Variants in TLN2 observed in about 807,000 individuals in gnomAD.
TLN2 encodes talin-2.
In TLN2, 118 loss-of-function variants were observed where a neutral mutation model predicts 294.7. The observed-to-expected ratio is 0.40, with a 90% CI of 0.34 to 0.47. The LOEUF (loss-of-function observed/expected upper bound fraction) is 0.47, where lower values mean the gene tolerates loss of function less well. TLN2 is among the 20% of genes least tolerant of loss of function. TLN2 has a pLI of 0.84. For synonymous variants in TLN2, 1,431 were observed against 1,304.5 expected (o/e 1.10, Z -2.09); for missense variants, 3,083 against 3,282.2 (o/e 0.94, Z 1.48).
intron 1 of TLN2, among the ~76,000 whole-genome samples, chr15:62,444,971 C>G (rs2035743736): frequency 1.3e-5 from 2 of 152,100 alleles, no homozygotes; most frequent in Admixed American, 1.3e-4. Context: ...TACAAAGAAC[C>G]ACTATGCTTT....
In TLN2 at chr15:62,647,299, T is replaced by C; in HGVS notation, c.-12T>C. 6.2e-7 allele frequency: 1 copy of C among 1,613,864 alleles called. No individual in the cohort carries two copies. Among genetic ancestry groups the C allele is most frequent in the Non-Finnish European group, 8.5e-7 (1 of 1,179,846 alleles). Reference sequence around the variant, plus strand: ...GACATTCTAAGTGAGACTGTCCACATCATCTAGGAAAATGGTGGCCCTGTC... The same window carrying C: ...GACATTCTAAGTGAGACTGTCCACACCATCTAGGAAAATGGTGGCCCTGTC... On this transcript the variant is annotated 5_prime_UTR_variant, in exon 4 of 59. Coordinates refer to ENST00000636159, the MANE Select transcript of TLN2 (RefSeq NM_015059.3).
At chr15:62,430,081 A>G (rs545784074) in intron 1 of TLN2, among the ~76,000 whole-genome samples, 2 of 152,344 alleles carry the variant, frequency 1.3e-5, no homozygotes, top group South Asian at 2.1e-4. Flanking sequence ...CCTGGAATGT[A>G]TATATAAGTG....
intron 4 of TLN2, among the ~76,000 whole-genome samples, chr15:62,648,538 G>C (rs2052187934): frequency 7.1e-6 from 1 of 140,678 alleles, no homozygotes; most frequent in African/African-American, 2.7e-5. Flanking sequence ...TGATGATGAT[G>C]ATGACGATTT....
chr15:62,839,959 T>C (rs937420), intron 58 of TLN2, among the ~76,000 whole-genome samples: 18,084 of 152,136 alleles, frequency 0.12, 1,167 homozygotes, highest in South Asian at 0.19. Flanking sequence ...TTCCACACAA[T>C]ACCTATCAGC....
intron 42 of TLN2, among the ~76,000 whole-genome samples, chr15:62,774,135 T>C (rs1373892756): frequency 2.6e-5 from 4 of 152,198 alleles, no homozygotes; most frequent in African/African-American, 9.7e-5. Flanking sequence ...TTCCTTGTTT[T>C]TCTCCCTCTA....
chr15:62,713,678 C>CA (rs1166072880), intron 22 of TLN2, among the ~76,000 whole-genome samples: 45 of 148,124 alleles, frequency 3.0e-4, no homozygotes, highest in African/African-American at 6.9e-4. Flanking sequence ...GACTCTGTCT[C>CA]AAAAAAAAAA....
chr15:62,576,524 G>A (rs80307838), intron 1 of TLN2, among the ~76,000 whole-genome samples: 6,262 of 151,262 alleles, frequency 0.041, 169 homozygotes, highest in African/African-American at 0.07. Context: ...GGGAGGGAGC[G>A]CGAGAATTGC....
chr15:62,502,014 C>G (rs971374160), intron 1 of TLN2, among the ~76,000 whole-genome samples: 11 of 152,206 alleles, frequency 7.2e-5, no homozygotes, highest in African/African-American at 2.6e-4. Flanking sequence ...GCTTTGTGAC[C>G]TTCCTCGCTC....
In TLN2 at chr15:62,656,105, A is replaced by T. The variant is rs767415123; in HGVS notation, c.660+19A>T. The T allele has an allele frequency of 1.1e-5, 17 of 1,610,992 alleles. No homozygotes were observed. In the Admixed American group the frequency reaches 2.7e-4, roughly 25 times the overall value. On this transcript the variant is annotated intron_variant, in intron 8 of 58. Coordinates refer to ENST00000636159, the MANE Select transcript of TLN2 (RefSeq NM_015059.3). ...TGTTCAGGTACAGTATTTACTGCTC[A>T]GACACTGAGGTTGGTGAGATTGCAG...
At chr15:62,748,704 G>C (rs1317248017) in intron 33 of TLN2, among the ~76,000 whole-genome samples, 1 of 152,202 alleles carries the variant, frequency 6.6e-6, no homozygotes, top group Admixed American at 6.5e-5. Flanking sequence ...GATGTATTTT[G>C]TTAAAGGATT....
chr15:62,694,224 G>T (rs1297359417), intron 13 of TLN2, 92 bp from the exon 14 acceptor site: 1 of 1,132,036 alleles, frequency 8.8e-7, no homozygotes, highest in Admixed American at 1.8e-5. Flanking sequence ...TGATCCGCCC[G>T]TCTCAGCCTC....
At chr15:62,457,100 C>CTG (rs1272336533) in intron 1 of TLN2, among the ~76,000 whole-genome samples, 3 of 152,200 alleles carry the variant, frequency 2.0e-5, no homozygotes, top group Non-Finnish European at 4.4e-5. Flanking sequence ...TTGGAAAATG[C>CTG]TGTGGACTGG....
At position 62,650,109 on chromosome 15, in the gene TLN2, G is replaced by A; in HGVS notation, c.162G>A (p.Ser54=). The change falls in exon 5 of 59, where the codon TCG becomes TCA. Residue 54 remains serine, a synonymous_variant. Transcript: ENST00000636159. The stretch of plus-strand genomic sequence containing the variant: ...CTTCTGACTATGGACTCTTTCTTTC[G>A]GATGAAGACCCGAGGAAAGGGATTT... ...GQASDYGLFL[S]DEDPRKGIWL... is the part of the protein sequence containing the mutation. The A allele has an allele frequency of 1.9e-6, 3 of 1,613,916 alleles. No individual in the cohort carries two copies. The highest frequency in any genetic ancestry group is 2.5e-6 in the Non-Finnish European group (3 of 1,179,980).
intron 41 of TLN2, among the ~76,000 whole-genome samples, chr15:62,768,871 A>G (rs1186996224): frequency 1.3e-5 from 2 of 152,272 alleles, no homozygotes; most frequent in Non-Finnish European, 2.9e-5. Flanking sequence ...TCCTCCTACC[A>G]GTCCTGATGA....
In TLN2 at chr15:62,513,398, C is replaced by G. The variant is rs561193045; in HGVS notation, c.-237-76289C>G. 7.5e-4 allele frequency among the ~76,000 whole-genome samples: 115 copies of G among 152,354 alleles called. 3 individuals carry two copies. In the South Asian group the frequency reaches 0.023, roughly 30 times the overall value. On this transcript the variant is annotated intron_variant, in intron 1 of 58. Transcript: ENST00000636159. Reference sequence around the variant, plus strand: ...AAGTGATAGCTTTCCTGCTCAGCATCTGTGATGCGTTGTCTCTTCCTAGTG... The same window carrying G: ...AAGTGATAGCTTTCCTGCTCAGCATGTGTGATGCGTTGTCTCTTCCTAGTG...
At chr15:62,708,979 G>T (rs1475789416) in intron 21 of TLN2, among the ~76,000 whole-genome samples, 183 bp downstream of exon 21, 1 of 152,212 alleles carries the variant, frequency 6.6e-6, no homozygotes, top group African/African-American at 2.4e-5. Context: ...CATGCTTACA[G>T]ATTTCTACAG....
At chr15:62,691,524 G>A (rs939558710) in intron 12 of TLN2, among the ~76,000 whole-genome samples, 1 of 152,132 alleles carries the variant, frequency 6.6e-6, no homozygotes, top group East Asian at 1.9e-4. Flanking sequence ...TATTGGTGAA[G>A]CATTTTTATG....
At chr15:62,558,364 A>G (rs1483388107) in intron 1 of TLN2, among the ~76,000 whole-genome samples, 2 of 152,054 alleles carry the variant, frequency 1.3e-5, no homozygotes, top group African/African-American at 4.8e-5. Flanking sequence ...CTTCTTAAGG[A>G]CCTGCTTGTA....
At chr15:62,532,914 C>T (rs1012961882) in intron 1 of TLN2, among the ~76,000 whole-genome samples, 1 of 152,060 alleles carries the variant, frequency 6.6e-6, no homozygotes, top group African/African-American at 2.4e-5. Flanking sequence ...CAGTTAGCTT[C>T]AAATTTTTAT....
Sources: gnomAD v4.1 joint callset for allele counts (sites outside exome capture counted in the v4.1 genomes callset) on GRCh38, gnomAD v4.1.1 for gene constraint, MANE v1.5 for transcripts, NCBI Gene and HGNC (gene_info 2026-07-23, HGNC 2026-07-21) for gene names.